PXDNL: variants seen among roughly 807,000 people sequenced by gnomAD.
PXDNL encodes the protein probable oxidoreductase PXDNL.
PXDNL carries 145 observed loss-of-function variants against 150.8 expected under a neutral mutation model. The ratio of observed to expected loss-of-function variants is 0.96; its 90% CI spans 0.84 to 1.10. PXDNL has a LOEUF of 1.10. PXDNL is among the 50% of genes least tolerant of loss of function. The pLI is 0.00. For missense variants in PXDNL, 2,087 were observed against 1,873.9 expected (o/e 1.11, Z -2.10); for synonymous variants, 757 against 725.7 (o/e 1.04, Z -0.69).
intron 4 of PXDNL, among the ~76,000 whole-genome samples, chr8:51,524,824 A>G (rs1811734424): frequency 6.6e-6 from 1 of 152,196 alleles, no homozygotes; most frequent in Non-Finnish European, 1.5e-5. Context: ...AAACAGCACA[A>G]TTTCAGAGGA....
At chr8:51,540,951 T>A (rs980358953) in intron 4 of PXDNL, among the ~76,000 whole-genome samples, 1 of 136,966 alleles carries the variant, frequency 7.3e-6, no homozygotes, top group Non-Finnish European at 1.5e-5. Flanking sequence ...ATGTTGTTAT[T>A]TTTTTTTTCA....
At chr8:51,327,791 C>T (rs761516113) in intron 21 of PXDNL, among the ~76,000 whole-genome samples, 1 of 152,164 alleles carries the variant, frequency 6.6e-6, no homozygotes, top group Admixed American at 6.5e-5. Flanking sequence ...CCCATCCTCA[C>T]GACAAGAAAA....
In PXDNL at chr8:51,661,916, T is replaced by C. The variant is rs1186707940; in HGVS notation, c.165-7156A>G. On this transcript the variant is annotated intron_variant, in intron 1 of 22. Coordinates refer to ENST00000356297, the MANE Select transcript of PXDNL (RefSeq NM_144651.5). ...CCAACAATGGCTAAAGCAGCACTTA[T>C]ACATAAAAAGGAATACTATAAAGGC... Among the ~76,000 whole-genome samples the C allele has an allele frequency of 2.0e-5, 3 of 151,568 alleles. No individual in the cohort carries two copies. The East Asian group carries it at 5.8e-4, about 29-fold the overall frequency.
intron 19 of PXDNL, among the ~76,000 whole-genome samples, chr8:51,353,810 G>A (rs1299240706): frequency 2.6e-5 from 4 of 152,096 alleles, no homozygotes; most frequent in Admixed American, 1.3e-4. Context: ...AATAAACTTC[G>A]TTTCAGTGAA....
Position 51,700,666 on chromosome 8 carries a change from A to G in PXDNL, c.165-45906T>C, listed in dbSNP as rs146359732. On this transcript the variant is annotated intron_variant, in intron 1 of 22. Transcript: ENST00000356297. ...TATGCACATGTATACACACATATAA[A>G]CATACATAAACACACACATGCATAC... is the stretch of plus-strand genomic sequence containing the variant. Among the ~76,000 whole-genome samples, 117 of 151,810 alleles carry G rather than the reference A, an allele frequency of 7.7e-4. 1 individual carries two copies. Among genetic ancestry groups the G allele is most frequent in the African/African-American group, 2.7e-3 (112 of 41,394 alleles).
chr8:51,459,777 A>T (rs1269825109), intron 8 of PXDNL, among the ~76,000 whole-genome samples: 1 of 152,216 alleles, frequency 6.6e-6, no homozygotes, highest in Non-Finnish European at 1.5e-5. Flanking sequence ...ATCTGAATAT[A>T]TTCTATTTTT....
chr8:51,430,663 C>T (rs1809226540), intron 12 of PXDNL, among the ~76,000 whole-genome samples: 1 of 66,048 alleles, frequency 1.5e-5, no homozygotes, highest in South Asian at 4.9e-4. Context: ...GCAAACTGTT[C>T]GCTGGAATAA....
intron 1 of PXDNL, among the ~76,000 whole-genome samples, chr8:51,669,624 C>G (rs1815460017): frequency 6.6e-6 from 1 of 152,138 alleles, no homozygotes; most frequent in Non-Finnish European, 1.5e-5. Context: ...TGGGCATACA[C>G]ATACACACAA....
At chr8:51,353,487 G>A (rs185048063) in intron 19 of PXDNL, among the ~76,000 whole-genome samples, 90 of 151,952 alleles carry the variant, frequency 5.9e-4, no homozygotes, top group Middle Eastern at 3.5e-3. Flanking sequence ...TACACTTCTT[G>A]ATAAAATATT....
chr8:51,721,673 A>G, intron 1 of PXDNL: 1 of 459,488 alleles, frequency 2.2e-6, no homozygotes, highest in Non-Finnish European at 4.2e-6. Flanking sequence ...GACTCAATTC[A>G]CTTTGCCTCA....
intron 19 of PXDNL, among the ~76,000 whole-genome samples, chr8:51,363,668 G>A (rs1806826196): frequency 6.6e-6 from 1 of 152,128 alleles, no homozygotes; most frequent in Non-Finnish European, 1.5e-5. Context: ...GTGCTGCGCT[G>A]TATGTCTGTG....
intron 2 of PXDNL, among the ~76,000 whole-genome samples, chr8:51,608,202 A>G (rs1172404550): frequency 6.8e-6 from 1 of 147,572 alleles, no homozygotes; most frequent in East Asian, 2.0e-4. Flanking sequence ...ATCCTGGCTA[A>G]CATGGTGAAA....
intron 3 of PXDNL, among the ~76,000 whole-genome samples, chr8:51,582,197 T>A (rs993480961): frequency 3.9e-5 from 6 of 152,080 alleles, no homozygotes; most frequent in Admixed American, 6.6e-5. Flanking sequence ...GGGATGCTAA[T>A]CCTACAGGAT....
At chr8:51,551,882 AAGAC>A (rs1411892290) in intron 4 of PXDNL, among the ~76,000 whole-genome samples, 1 of 152,190 alleles carries the variant, frequency 6.6e-6, no homozygotes, top group Non-Finnish European at 1.5e-5. Context: ...AGCAAAGTAA[AAGAC>A]AGCCCACAGA....
intron 17 of PXDNL, among the ~76,000 whole-genome samples, chr8:51,391,093 G>A (rs564889785): frequency 2.6e-5 from 4 of 152,270 alleles, no homozygotes; most frequent in Non-Finnish European, 4.4e-5. Flanking sequence ...TGTTATGGCT[G>A]CATAGTATTC....
intron 17 of PXDNL, among the ~76,000 whole-genome samples, chr8:51,376,407 G>C (rs1807310395): frequency 6.6e-6 from 1 of 152,094 alleles, no homozygotes; most frequent in East Asian, 1.9e-4. Flanking sequence ...AGATTTCCAA[G>C]TGCCTGCTTG....
intron 2 of PXDNL, among the ~76,000 whole-genome samples, chr8:51,635,936 T>G (rs1814595037): frequency 6.6e-6 from 1 of 152,032 alleles, no homozygotes; most frequent in East Asian, 1.9e-4. Context: ...TTAGTAATAG[T>G]GATGCAAAAA....
At chr8:51,337,639 G>GAGGC (rs1235600657) in intron 21 of PXDNL, among the ~76,000 whole-genome samples, 1 of 152,200 alleles carries the variant, frequency 6.6e-6, no homozygotes, top group Non-Finnish European at 1.5e-5. Context: ...AGCACTTTGG[G>GAGGC]AGGCTGGCAG....
At position 51,523,322 on chromosome 8, in the gene PXDNL, C is replaced by T. The variant is rs184735798; in HGVS notation, c.381-23552G>A. ...TTTACTAATATGCTTTTGGTAATAACAGCTGTAAACTACATTTGGAAAATA... is the reference window on the plus strand; with the variant it reads ...TTTACTAATATGCTTTTGGTAATAATAGCTGTAAACTACATTTGGAAAATA... On this transcript the variant is annotated intron_variant, in intron 4 of 22. Transcript: ENST00000356297. 2.6e-5 allele frequency among the ~76,000 whole-genome samples: 4 copies of T among 152,272 alleles called. No individual in the cohort carries two copies. In the East Asian group the frequency reaches 7.7e-4, roughly 29 times the overall value.
Sources: allele counts gnomAD v4.1 joint callset (sites outside exome capture counted in the v4.1 genomes callset), GRCh38; gene constraint gnomAD v4.1.1; transcripts MANE v1.5; gene names NCBI Gene and HGNC (gene_info 2026-07-23, HGNC 2026-07-21).